COPG2: variants seen among roughly 807,000 people sequenced by gnomAD.
COPG2 encodes the protein coat protein complex I subunit gamma 2.
In COPG2, 37 loss-of-function variants were observed where a neutral mutation model predicts 46.3. The ratio of observed to expected loss-of-function variants is 0.80; its 90% CI spans 0.61 to 1.05. COPG2 has a LOEUF of 1.05. COPG2 is among the 50% of genes least tolerant of loss of function. COPG2 has a pLI of 0.00. For missense variants in COPG2, 427 were observed against 387.8 expected (o/e 1.10, Z -0.85); for synonymous variants, 159 against 129.7 (o/e 1.23, Z -1.53).
chr7:130,518,621 A>C (rs1799699124), intron 20 of COPG2, among the ~76,000 whole-genome samples: 1 of 152,218 alleles, frequency 6.6e-6, no homozygotes, highest in Non-Finnish European at 1.5e-5. Flanking sequence ...ATTAGGAAGA[A>C]CTTGCTGAAG....
chr7:130,555,697 C>T lies in COPG2; in HGVS notation c.1129-565G>A, dbSNP rs954209042. On this transcript the variant is annotated intron_variant, in intron 12 of 23. Coordinates refer to ENST00000425248, the MANE Select transcript of COPG2 (RefSeq NM_012133.6). ...TACAAATATTAGCCAGGTGTGGTGG[C>T]GTGGGCCTGCAGTCCCAGCTACTCG... 1.8e-3 allele frequency among the ~76,000 whole-genome samples: 273 copies of T among 152,066 alleles called. 2 individuals carry two copies. The highest frequency in any genetic ancestry group is 5.6e-3 in the East Asian group (29 of 5,170).
At chr7:130,530,619 G>C (rs1799814803) in intron 20 of COPG2, among the ~76,000 whole-genome samples, 1 of 152,176 alleles carries the variant, frequency 6.6e-6, no homozygotes. Context: ...GGGTGGTTGA[G>C]AGAAATATGG....
chr7:130,667,184 T>C (rs1796102093), intron 2 of COPG2, among the ~76,000 whole-genome samples: 1 of 152,224 alleles, frequency 6.6e-6, no homozygotes, highest in Non-Finnish European at 1.5e-5. Flanking sequence ...TACTTATCTA[T>C]ATCATACTAA....
At chr7:130,624,050 T>A (rs1426333034) in intron 5 of COPG2, among the ~76,000 whole-genome samples, 2 of 152,160 alleles carry the variant, frequency 1.3e-5, no homozygotes, top group African/African-American at 4.8e-5. Flanking sequence ...GGCAAGGTCC[T>A]GTTTCCTGGT....
At chr7:130,542,261 G>A (rs1031531667) in intron 20 of COPG2, among the ~76,000 whole-genome samples, 2 of 150,292 alleles carry the variant, frequency 1.3e-5, no homozygotes, top group South Asian at 4.2e-4. Context: ...AGACACGGAA[G>A]GAATGAAGGA....
At chr7:130,508,535 G>C in intron 21 of COPG2, 27 bp downstream of exon 21, 2 of 756,070 alleles carry the variant, frequency 2.6e-6, no homozygotes, top group South Asian at 2.9e-5. Flanking sequence ...AGGTGTCAAA[G>C]AAAGTCTCTA....
At chr7:130,589,556 A>T (rs782817352) in intron 9 of COPG2, among the ~76,000 whole-genome samples, 2 of 152,188 alleles carry the variant, frequency 1.3e-5, no homozygotes, top group Non-Finnish European at 2.9e-5. Context: ...AGTAGCTGGA[A>T]CTACAGGTGT....
At chr7:130,557,825 A>AAAAAAG in intron 12 of COPG2, among the ~76,000 whole-genome samples, 1 of 147,164 alleles carries the variant, frequency 6.8e-6, no homozygotes, top group Non-Finnish European at 1.5e-5. Context: ...CTCAAAAAAA[A>AAAAAAG]AAAAAAAAAA....
intron 5 of COPG2, among the ~76,000 whole-genome samples, chr7:130,617,559 C>T (rs556480834): frequency 6.6e-6 from 1 of 152,326 alleles, no homozygotes; most frequent in Admixed American, 6.5e-5. Flanking sequence ...TCAGACCTTT[C>T]TGCTGAGCTT....
At chr7:130,603,981 G>A in intron 9 of COPG2, 1 of 406,210 alleles carries the variant, frequency 2.5e-6, no homozygotes, top group South Asian at 1.9e-5. Flanking sequence ...AAGTAAGCTA[G>A]AGAAAAGAAA....
At chr7:130,528,130 G>A (rs1210275342) in intron 20 of COPG2, among the ~76,000 whole-genome samples, 6 of 152,108 alleles carry the variant, frequency 3.9e-5, no homozygotes, top group South Asian at 2.1e-4. Flanking sequence ...CGGAGGAGCC[G>A]GGTTTCAGGC....
intron 7 of COPG2, 53 bp downstream of exon 7, chr7:130,613,491 G>C: frequency 9.2e-7 from 1 of 1,081,880 alleles, no homozygotes. Flanking sequence ...CTTTGTTTTC[G>C]CAACTCAAAA....
At chr7:130,583,452 T>A (rs1794195924) in intron 9 of COPG2, among the ~76,000 whole-genome samples, 1 of 122,968 alleles carries the variant, frequency 8.1e-6, no homozygotes, top group South Asian at 2.6e-4. Context: ...CATATGTAAC[T>A]AACCTGCACA....
intron 9 of COPG2, chr7:130,605,769 TC>T (rs1554451136): frequency 1.9e-6 from 1 of 519,722 alleles, no homozygotes; most frequent in South Asian, 1.4e-5. Context: ...GCAACAGCAC[TC>T]CACCAACATC....
intron 5 of COPG2, among the ~76,000 whole-genome samples, chr7:130,648,594 AAG>A (rs1250502746): frequency 2.0e-5 from 3 of 152,202 alleles, no homozygotes; most frequent in African/African-American, 4.8e-5. Flanking sequence ...CCCAAAATAC[AAG>A]GACGGGACTG....
intron 20 of COPG2, chr7:130,511,852 C>T (rs782046346): frequency 1.2e-5 from 6 of 519,088 alleles, no homozygotes; most frequent in Admixed American, 1.9e-5. Flanking sequence ...GCTCTTAAAG[C>T]TTTTGAGGGA....
intron 20 of COPG2, among the ~76,000 whole-genome samples, chr7:130,523,245 T>G (rs1389471160): frequency 6.6e-6 from 1 of 151,172 alleles, no homozygotes; most frequent in East Asian, 1.9e-4. Flanking sequence ...GGGGGTGGGT[T>G]TCACCCGAGG....
In COPG2 at chr7:130,618,100, CAAAAAAA is replaced by C. The variant is rs10695449; in HGVS notation, c.324-1042_324-1036del. Among the ~76,000 whole-genome samples, 12 of 64,604 alleles carry C rather than the reference CAAAAAAA, an allele frequency of 1.9e-4. No homozygotes were observed. The East Asian group carries it at 5.0e-3, about 27-fold the overall frequency. The allele number at this position is 64,604 out of a possible 152,430, so 42.4% of individuals were successfully genotyped here. A position where few individuals can be genotyped will look rare whatever the true frequency, so the allele number is the denominator to read the frequency against. The stretch of plus-strand genomic sequence containing the variant: ...TGGGTGACAGAGTGAGACCCTGTCT[CAAAAAAA>C]AAAAAAAAAAAAGACTTTTTTTGGA... On this transcript the variant is annotated intron_variant, in intron 5 of 23. Coordinates refer to ENST00000425248, the MANE Select transcript of COPG2 (RefSeq NM_012133.6).
intron 5 of COPG2, among the ~76,000 whole-genome samples, chr7:130,642,259 C>T (rs565667828): frequency 1.2e-4 from 18 of 150,212 alleles, no homozygotes; most frequent in African/African-American, 2.7e-4. Context: ...TTTTTTTCAC[C>T]GAGCTGTAAT....
Sources: gnomAD v4.1 joint callset for allele counts (sites outside exome capture counted in the v4.1 genomes callset) on GRCh38, gnomAD v4.1.1 for gene constraint, MANE v1.5 for transcripts, NCBI Gene and HGNC (gene_info 2026-07-23, HGNC 2026-07-21) for gene names.